EFHB: variants seen among roughly 807,000 people sequenced by gnomAD.
The protein encoded by EFHB is EF-hand domain-containing family member B.
A neutral mutation model predicts 87.2 loss-of-function variants in EFHB; 91 were observed. That is an observed-to-expected ratio of 1.04 (90% CI 0.88 to 1.24). The LOEUF is 1.24. Ranked by LOEUF, EFHB falls within the 50% of genes most tolerant of loss-of-function variation. The probability of loss-of-function intolerance (pLI) is 0.00; values close to 1 mark genes in which losing one functional copy is unlikely to be tolerated. For synonymous variants in EFHB, 325 were observed against 333.6 expected (o/e 0.97, Z 0.28); for missense variants, 1,084 against 998.8 (o/e 1.09, Z -1.15).
intron 1 of EFHB, among the ~76,000 whole-genome samples, chr3:19,931,343 G>A (rs1695825218): frequency 2.0e-5 from 3 of 152,216 alleles, no homozygotes; most frequent in Admixed American, 2.0e-4. Flanking sequence ...GTGGGAGGAA[G>A]CAGAGGTTTT....
At chr3:19,908,656 A>G (rs536084460) in intron 5 of EFHB, among the ~76,000 whole-genome samples, 10 of 146,480 alleles carry the variant, frequency 6.8e-5, no homozygotes, top group Middle Eastern at 3.6e-3. Flanking sequence ...AAGAAAGAAA[A>G]AGAAAGTTCT....
At chr3:19,944,320 T>C (rs1445402835) in intron 1 of EFHB, among the ~76,000 whole-genome samples, 3 of 152,228 alleles carry the variant, frequency 2.0e-5, no homozygotes, top group East Asian at 1.9e-4. Flanking sequence ...GAATTTGTTA[T>C]TGAGTATTTA....
chr3:19,903,547 CAT>C (rs888117975), intron 6 of EFHB, among the ~76,000 whole-genome samples: 18 of 151,928 alleles, frequency 1.2e-4, no homozygotes, highest in Admixed American at 3.9e-4. Flanking sequence ...ATACTTTACA[CAT>C]AGTTTAACCA....
intron 1 of EFHB, among the ~76,000 whole-genome samples, chr3:19,932,443 T>C (rs1405799428): frequency 6.6e-6 from 1 of 152,220 alleles, no homozygotes; most frequent in Non-Finnish European, 1.5e-5. Context: ...CTCAACACCC[T>C]GCTGGCTGAA....
chr3:19,890,680 T>G (rs1002319020), intron 9 of EFHB, among the ~76,000 whole-genome samples: 2 of 132,446 alleles, frequency 1.5e-5, no homozygotes, highest in Non-Finnish European at 3.2e-5. Context: ...CCCTAATGAC[T>G]CCTTTGAGTT....
chr3:19,882,414 G>A, intron 12 of EFHB, 136 bp downstream of exon 12: 3 of 797,616 alleles, frequency 3.8e-6, no homozygotes, highest in Non-Finnish European at 5.4e-6. Flanking sequence ...ACCAAGTTGA[G>A]GATTATTCAT....
intron 6 of EFHB, among the ~76,000 whole-genome samples, chr3:19,900,329 T>C (rs917839282): frequency 2.0e-5 from 3 of 152,026 alleles, no homozygotes; most frequent in Non-Finnish European, 4.4e-5. Flanking sequence ...AACTCACATC[T>C]AGTAAGCAAA....
Position 19,933,499 on chromosome 3 carries a change from CTT to C in EFHB, c.518_519del (p.Lys173ArgfsTer14). 1.2e-6 allele frequency: 2 copies of C among 1,613,992 alleles called. No homozygotes were observed. The highest frequency in any genetic ancestry group is 1.7e-6 in the Non-Finnish European group (2 of 1,179,892). ...GGTTTCATTAAAACACAGGTAGACT[CTT>C]TTTCCATTTCCTGTCTTGGTTCCAT... The part of the protein sequence containing the change: ...FVMEPRQEME[K>X]ESTCVLMKPN... On this transcript the variant is annotated frameshift_variant, in exon 1 of 13. Transcript: ENST00000295824. LOFTEE classifies it high-confidence loss of function.
At position 19,905,634 on chromosome 3, in the gene EFHB, G is replaced by A; in HGVS notation, c.1404C>T (p.Leu468=). Residue 468 remains leucine, a synonymous_variant, in exon 6 of 13, where the codon CTC becomes CTT. Coordinates refer to ENST00000295824, the MANE Select transcript of EFHB (RefSeq NM_144715.4). ...GRAMAKSLYW[L]HELQMKRGAK... ...ATTAAACTTACATTTGTAGTTCATG[G>A]AGCCAATATAGAGATTTTGCCATGG... is the stretch of plus-strand genomic sequence containing the variant. 1 of 1,613,160 alleles carries A rather than the reference G, an allele frequency of 6.2e-7. No individual in the cohort carries two copies. Among genetic ancestry groups the A allele is most frequent in the Non-Finnish European group, 8.5e-7 (1 of 1,179,498 alleles).
rs760057695 is a variant in EFHB at position 19,884,658 on chromosome 3, A to G, written c.1934-43T>C. ...GAAAGAAAAAATGCAGGAATACATT[A>G]CTACTTAGTGCTTGCTGCTCTGTAA... On this transcript the variant is annotated intron_variant, in intron 10 of 12. Coordinates refer to ENST00000295824, the MANE Select transcript of EFHB (RefSeq NM_144715.4). The G allele has an allele frequency of 3.5e-5, 55 of 1,564,658 alleles. No homozygotes were observed. In the East Asian group the frequency reaches 1.2e-3, roughly 33 times the overall value.
At chr3:19,884,673 C>T (rs1694032283) in intron 10 of EFHB, 58 bp from the exon 11 acceptor site, 2 of 1,515,756 alleles carry the variant, frequency 1.3e-6, no homozygotes, top group African/African-American at 1.4e-5. Context: ...TTAGTGCTTG[C>T]TGCTCTGTAA....
chr3:19,925,159 G>A (rs968039095), intron 1 of EFHB, among the ~76,000 whole-genome samples: 13 of 151,170 alleles, frequency 8.6e-5, no homozygotes, highest in South Asian at 2.1e-4. Context: ...GGAGAATGGC[G>A]TGAACCAGGG....
rs1695923145 is a variant in EFHB, at chr3:19,933,799, A to G, written c.220T>C (p.Leu74=). ...FPLSKGLEMG[L]ERQNISRTVM... is the part of the protein sequence containing the mutation. ...GTCCTAGAAATATTCTGTCTTTCTA[A>G]TCCCATTTCAAGCCCCTTGCTCAAT... Residue 74 remains leucine (L), a synonymous_variant, in exon 1 of 13, where the codon TTA becomes CTA. Transcript: ENST00000295824. The G allele has an allele frequency of 1.9e-6, 3 of 1,613,826 alleles. No homozygotes were observed. Among genetic ancestry groups the G allele is most frequent in the Non-Finnish European group, 2.5e-6 (3 of 1,179,890 alleles).
intron 6 of EFHB, among the ~76,000 whole-genome samples, chr3:19,900,434 T>C (rs1468605220): frequency 2.0e-5 from 3 of 151,954 alleles, no homozygotes; most frequent in Non-Finnish European, 2.9e-5. Context: ...CAAGCAAATA[T>C]ATATAAGCAT....
chr3:19,918,505 T>A, intron 3 of EFHB, 93 bp from the exon 4 acceptor site: 1 of 1,174,686 alleles, frequency 8.5e-7, no homozygotes, highest in Non-Finnish European at 1.2e-6. Context: ...GAGGAGACTG[T>A]ACGATTGTGG....
At chr3:19,906,262 G>A (rs1297992653) in intron 5 of EFHB, among the ~76,000 whole-genome samples, 1 of 152,206 alleles carries the variant, frequency 6.6e-6, no homozygotes, top group African/African-American at 2.4e-5. Context: ...CCAGGAGGCG[G>A]AGGTTGTGGT....
intron 4 of EFHB, among the ~76,000 whole-genome samples, chr3:19,917,977 C>G (rs946024661): frequency 2.0e-4 from 30 of 152,150 alleles, no homozygotes; most frequent in African/African-American, 5.8e-4. Context: ...TTGTTGAGTT[C>G]TTTCCTGTCT....
At chr3:19,938,187 C>A (rs1424367276), upstream of EFHB, among the ~76,000 whole-genome samples, 1 of 152,190 alleles carries the variant, frequency 6.6e-6, no homozygotes, top group African/African-American at 2.4e-5. Context: ...GGAGAAAGGG[C>A]TGTGATTGAC....
At chr3:19,923,239 C>CCT (rs1695499875) in intron 1 of EFHB, among the ~76,000 whole-genome samples, 1 of 151,662 alleles carries the variant, frequency 6.6e-6, no homozygotes, top group Admixed American at 6.6e-5. Context: ...TGCACTCCAG[C>CCT]CTGGGCAAAA....
Sources: allele counts gnomAD v4.1 joint callset (sites outside exome capture counted in the v4.1 genomes callset), GRCh38; gene constraint gnomAD v4.1.1; transcripts MANE v1.5; gene names NCBI Gene and HGNC (gene_info 2026-07-23, HGNC 2026-07-21).